The following ADGRL3 variants were observed in gnomAD, a reference collection of about 807,000 sequenced individuals.
The protein encoded by ADGRL3 is adhesion G protein-coupled receptor L3, also known as calcium-independent alpha-latrotoxin receptor 3.
ADGRL3 carries 62 observed loss-of-function variants against 153.5 expected under a neutral mutation model. That is an observed-to-expected ratio of 0.40 (90% CI 0.33 to 0.50). The LOEUF (loss-of-function observed/expected upper bound fraction) is 0.50. ADGRL3 is among the 20% of genes least tolerant of loss of function. The pLI is 0.47. For synonymous variants in ADGRL3, 710 were observed against 672.5 expected (o/e 1.06, Z -0.86); for missense variants, 1,641 against 1,859.4 (o/e 0.88, Z 2.16).
chr4:61,373,277 A>G (rs2096562735), intron 1 of ADGRL3, among the ~76,000 whole-genome samples: 1 of 152,168 alleles, frequency 6.6e-6, no homozygotes, highest in African/African-American at 2.4e-5. Context: ...TAAAATATCT[A>G]GTTCATCTTT....
At chr4:61,616,690 G>A (rs1006945334) in intron 5 of ADGRL3, among the ~76,000 whole-genome samples, 7 of 152,238 alleles carry the variant, frequency 4.6e-5, no homozygotes, top group East Asian at 3.9e-4. Flanking sequence ...ATTTCTAATA[G>A]TAATTTGTGA....
chr4:61,785,570 G>C lies in ADGRL3; in HGVS notation c.1400-28239G>C, dbSNP rs534824163. ...TGACTGATAATATAGCTGACTTAGA[G>C]GGGTAACTGCAAGTCTTCTTGTCTT... On this transcript the variant is annotated intron_variant, in intron 8 of 26. Transcript: ENST00000683033. Among the ~76,000 whole-genome samples, 84 of 152,278 alleles carry C rather than the reference G, an allele frequency of 5.5e-4. 1 individual carries two copies. The highest frequency in any genetic ancestry group is 2.0e-3 in the African/African-American group (83 of 41,564).
At chr4:61,849,080 C>T (rs964749144) in intron 9 of ADGRL3, among the ~76,000 whole-genome samples, 1 of 152,102 alleles carries the variant, frequency 6.6e-6, no homozygotes, top group Non-Finnish European at 1.5e-5. Flanking sequence ...ATAGCAGTAA[C>T]CAGCATCCTA....
At chr4:61,795,361 C>T (rs559883991) in intron 8 of ADGRL3, among the ~76,000 whole-genome samples, 29 of 152,196 alleles carry the variant, frequency 1.9e-4, no homozygotes, top group South Asian at 1.0e-3. Context: ...CTCCTAGCCT[C>T]GAGTGATCCT....
rs1200777740 is a variant in ADGRL3, at chr4:61,376,793, G to A, written c.-239-6331G>A. On this transcript the variant is annotated intron_variant, in intron 1 of 26. Transcript: ENST00000683033. Reference sequence around the variant, plus strand: ...TTGTTTTCTCCTTTATTATGTCATAGGACAATGGCTACATAGTTCCTTAGA... The same window carrying A: ...TTGTTTTCTCCTTTATTATGTCATAAGACAATGGCTACATAGTTCCTTAGA... Among the ~76,000 whole-genome samples the A allele has an allele frequency of 3.3e-5, 5 of 152,134 alleles. No homozygotes were observed. The East Asian group carries it at 9.6e-4, about 29-fold the overall frequency.
intron 1 of ADGRL3, among the ~76,000 whole-genome samples, chr4:61,295,010 A>C (rs1399275014): frequency 1.3e-5 from 2 of 152,072 alleles, no homozygotes. Context: ...TAAAATACTA[A>C]ATGGAAAATT....
chr4:61,239,303 C>T (rs1754040597), intron 1 of ADGRL3, among the ~76,000 whole-genome samples: 1 of 152,006 alleles, frequency 6.6e-6, no homozygotes, highest in South Asian at 2.1e-4. Flanking sequence ...TATAGAGATG[C>T]TAAATATGTG....
At chr4:61,461,173 T>C (rs1479940700) in intron 2 of ADGRL3, among the ~76,000 whole-genome samples, 1 of 152,112 alleles carries the variant, frequency 6.6e-6, no homozygotes, top group African/African-American at 2.4e-5. Context: ...TATCTCCCAC[T>C]GGGTCCCTCC....
chr4:61,345,760 T>A (rs966519720), intron 1 of ADGRL3, among the ~76,000 whole-genome samples: 1 of 152,238 alleles, frequency 6.6e-6, no homozygotes, highest in Non-Finnish European at 1.5e-5. Flanking sequence ...AATAAAGATA[T>A]CAAAGAGAAT....
chr4:61,894,638 A>T (rs2098614663), intron 10 of ADGRL3, among the ~76,000 whole-genome samples: 2 of 152,178 alleles, frequency 1.3e-5, no homozygotes, highest in Admixed American at 1.3e-4. Flanking sequence ...TTTCAGTGAC[A>T]ATTGGAAAAG....
At position 61,915,944 on chromosome 4, in the gene ADGRL3, A is replaced by G. The variant is rs533567178; in HGVS notation, c.2112+3187A>G. Among the ~76,000 whole-genome samples, 6 of 152,274 alleles carry G rather than the reference A, an allele frequency of 3.9e-5. No individual in the cohort carries two copies. In the South Asian group the frequency reaches 8.3e-4, roughly 21 times the overall value. On this transcript the variant is annotated intron_variant, in intron 13 of 26. Transcript: ENST00000683033. ...TTAATATAGCCTTTTCATAAGCGCA[A>G]GCAATGAATCTTTTAGGGTTGATTT...
intron 19 of ADGRL3, among the ~76,000 whole-genome samples, chr4:61,991,523 C>T (rs1260745180): frequency 2.0e-5 from 3 of 151,960 alleles, no homozygotes; most frequent in Admixed American, 2.0e-4. Context: ...ATAAAGACAA[C>T]ACAATCTATT....
chr4:61,804,884 T>G (rs2148483592), intron 8 of ADGRL3, among the ~76,000 whole-genome samples: 1 of 152,188 alleles, frequency 6.6e-6, no homozygotes, highest in Non-Finnish European at 1.5e-5. Context: ...GTGTTAGCAT[T>G]TCGTTGCAAT....
intron 1 of ADGRL3, among the ~76,000 whole-genome samples, chr4:61,222,626 G>A (rs914853890): frequency 6.6e-6 from 1 of 152,170 alleles, no homozygotes; most frequent in Admixed American, 6.5e-5. Context: ...CATTGGAAAT[G>A]CCAGTGAGAA....
At chr4:61,979,189 T>C (rs892559274) in intron 17 of ADGRL3, among the ~76,000 whole-genome samples, 1 of 152,204 alleles carries the variant, frequency 6.6e-6, no homozygotes, top group African/African-American at 2.4e-5. Context: ...TAGTATTCCC[T>C]ACTGGAGATG....
chr4:61,875,699 T>G lies in ADGRL3; in HGVS notation c.1481-16957T>G, dbSNP rs142296955. Among the ~76,000 whole-genome samples the G allele has an allele frequency of 5.7e-3, 861 of 152,358 alleles. 7 individuals are homozygous for G. Among genetic ancestry groups the G allele is most frequent in the African/African-American group, 0.02 (813 of 41,590 alleles). On this transcript the variant is annotated intron_variant, in intron 9 of 26. Coordinates refer to ENST00000683033, the MANE Select transcript of ADGRL3 (RefSeq NM_001387552.1). ...TACGAGTTTTATGATTACATTGAAT[T>G]TTTTTATCCATTGTCTTCTTTCGAG...
At chr4:61,307,951 A>T (rs556487210) in intron 1 of ADGRL3, among the ~76,000 whole-genome samples, 1 of 152,286 alleles carries the variant, frequency 6.6e-6, no homozygotes, top group South Asian at 2.1e-4. Context: ...GATTTTAAAA[A>T]CGCTAGTTGC....
chr4:61,856,618 T>TTC (rs2098270941), intron 9 of ADGRL3, among the ~76,000 whole-genome samples: 8 of 121,450 alleles, frequency 6.6e-5, no homozygotes, highest in African/African-American at 1.7e-4. Flanking sequence ...TTTTTTTTTT[T>TTC]TTTTTTTTTT....
At chr4:61,464,671 T>G (rs1215682677) in intron 2 of ADGRL3, among the ~76,000 whole-genome samples, 1 of 152,176 alleles carries the variant, frequency 6.6e-6, no homozygotes, top group Non-Finnish European at 1.5e-5. Flanking sequence ...ATTTTAACGT[T>G]AGGATCAGGA....
Sources: allele counts gnomAD v4.1 joint callset (sites outside exome capture counted in the v4.1 genomes callset), GRCh38; gene constraint gnomAD v4.1.1; transcripts MANE v1.5; gene names NCBI Gene and HGNC (gene_info 2026-07-23, HGNC 2026-07-21).